Variants in PLD1 observed in about 807,000 individuals in gnomAD.
PLD1 encodes the protein choline phosphatase 1.
Under a neutral mutation model 137.1 loss-of-function variants are expected in PLD1, and 112 were observed. That is an observed-to-expected ratio of 0.82 (90% CI 0.70 to 0.96). The LOEUF (loss-of-function observed/expected upper bound fraction) is 0.96. PLD1 is among the 40% of genes least tolerant of loss of function. The pLI is 0.00. For missense variants in PLD1, 1,321 were observed against 1,342.0 expected, an observed-to-expected ratio of 0.98 and a Z score of 0.24; for synonymous variants, 431 against 454.7, an observed-to-expected ratio of 0.95 and a Z score of 0.66.
At chr3:171,780,058 G>T (rs1359782442) in intron 1 of PLD1, among the ~76,000 whole-genome samples, 2 of 151,868 alleles carry the variant, frequency 1.3e-5, no homozygotes, top group South Asian at 2.1e-4. Context: ...CAGGACTGGG[G>T]TTTATATACA....
intron 18 of PLD1, among the ~76,000 whole-genome samples, chr3:171,674,915 G>T (rs954611820): frequency 7.2e-5 from 10 of 138,416 alleles, no homozygotes; most frequent in African/African-American, 2.7e-4. Context: ...GGAGGCAGAG[G>T]TTGCAGTGAG....
chr3:171,636,648 A>T (rs1355110260), intron 23 of PLD1, among the ~76,000 whole-genome samples: 3 of 152,048 alleles, frequency 2.0e-5, no homozygotes, highest in Non-Finnish European at 2.9e-5. Context: ...CTAATTTATT[A>T]TCTGTAATAG....
At chr3:171,710,762 C>T (rs1717130138) in intron 9 of PLD1, among the ~76,000 whole-genome samples, 2 of 152,066 alleles carry the variant, frequency 1.3e-5, no homozygotes, top group Non-Finnish European at 2.9e-5. Context: ...CATCCCTTCT[C>T]TTCAACAAAG....
chr3:171,792,783 A>T, intron 1 of PLD1: 1 of 445,332 alleles, frequency 2.2e-6, no homozygotes. Context: ...CAGATTTGCA[A>T]ACTTGAAAAA....
At chr3:171,670,355 T>C (rs528201263) in intron 19 of PLD1, among the ~76,000 whole-genome samples, 80 of 152,320 alleles carry the variant, frequency 5.3e-4, no homozygotes, top group African/African-American at 1.8e-3. Flanking sequence ...GCCTCTTTAA[T>C]AAAATCAATG....
intron 11 of PLD1, among the ~76,000 whole-genome samples, chr3:171,702,707 A>G (rs1292104505): frequency 1.3e-5 from 2 of 152,082 alleles, no homozygotes; most frequent in Non-Finnish European, 1.5e-5. Context: ...TGTAATTAAA[A>G]CTTTCCTACA....
In PLD1 at chr3:171,612,304, G is replaced by A. The variant is rs770028037; in HGVS notation, c.2857C>T (p.Arg953Ter). 15 of 1,613,926 alleles carry A rather than the reference G, an allele frequency of 9.3e-6. No homozygotes were observed. Among genetic ancestry groups the A allele is most frequent in the Admixed American group, 3.3e-5 (2 of 59,994 alleles). ...GKEYQAGRFARGLRLQCFRVV... is the reference protein window; with the variant it reads ...GKEYQAGRFA ...CTAAAGCACTGTAGCCGAAGTCCTC[G>A]GGCAAACCGGCCAGCTTGGTACTCT... is the stretch of plus-strand genomic sequence containing the variant. Residue 953 changes from arginine (R) to a stop codon, truncating the protein, a stop_gained, in exon 25 of 27, where the codon CGA (arginine) becomes TGA (stop). Coordinates refer to ENST00000351298, the MANE Select transcript of PLD1 (RefSeq NM_002662.5). LOFTEE classifies it high-confidence loss of function. This position sits in a 1 kb window ranked among gnomAD's most constrained non-coding sequence, Gnocchi z 4.1.
At chr3:171,657,997 G>A (rs1737355400) in intron 21 of PLD1, among the ~76,000 whole-genome samples, 1 of 151,706 alleles carries the variant, frequency 6.6e-6, no homozygotes, top group Non-Finnish European at 1.5e-5. Context: ...AATGGGCAAG[G>A]GATTTCAGTA....
chr3:171,793,108 A>G (rs9872581), intron 1 of PLD1: 49,684 of 167,956 alleles, frequency 0.3, 7,874 homozygotes, highest in Admixed American at 0.36. Context: ...GTCTGAAGAC[A>G]TTTCGTAATC....
At chr3:171,795,764 G>C (rs1018158917) in intron 1 of PLD1, among the ~76,000 whole-genome samples, 1 of 152,188 alleles carries the variant, frequency 6.6e-6, no homozygotes, top group Non-Finnish European at 1.5e-5. Flanking sequence ...AGGGTGTTCA[G>C]AGAGTTCTAA....
chr3:171,664,103 T>C (rs1269613583), intron 19 of PLD1, among the ~76,000 whole-genome samples: 1 of 152,154 alleles, frequency 6.6e-6, no homozygotes, highest in Non-Finnish European at 1.5e-5. Flanking sequence ...CAGATGAATA[T>C]GTGCAACAAA....
At chr3:171,637,866 T>C (rs1735264660) in intron 23 of PLD1, among the ~76,000 whole-genome samples, 1 of 152,124 alleles carries the variant, frequency 6.6e-6, no homozygotes, top group African/African-American at 2.4e-5. Context: ...GGTAAAAACA[T>C]GGTATAAGAG....
chr3:171,691,925 T>C (rs1011273380), intron 13 of PLD1, among the ~76,000 whole-genome samples: 4 of 152,250 alleles, frequency 2.6e-5, no homozygotes, highest in African/African-American at 9.6e-5. Flanking sequence ...CTAGGTGCCA[T>C]TGATTTTTTA....
intron 23 of PLD1, among the ~76,000 whole-genome samples, chr3:171,632,215 G>C (rs1270032780): frequency 6.6e-6 from 1 of 152,108 alleles, no homozygotes; most frequent in Non-Finnish European, 1.5e-5. Flanking sequence ...ACAGTCTATA[G>C]AGCAACTGGC....
intron 1 of PLD1, among the ~76,000 whole-genome samples, chr3:171,797,524 G>A (rs1045289935): frequency 6.6e-6 from 1 of 152,080 alleles, no homozygotes; most frequent in African/African-American, 2.4e-5. Flanking sequence ...GCCCTCCAGG[G>A]ATTCTGGTGC....
chr3:171,757,231 A>C (rs1202162997), intron 1 of PLD1, among the ~76,000 whole-genome samples: 2 of 152,240 alleles, frequency 1.3e-5, no homozygotes, highest in African/African-American at 4.8e-5. Flanking sequence ...ATGTTTTCAC[A>C]AACACAGAAA....
chr3:171,627,057 G>T (rs1734179453), intron 23 of PLD1, among the ~76,000 whole-genome samples: 1 of 152,074 alleles, frequency 6.6e-6, no homozygotes, highest in African/African-American at 2.4e-5. Flanking sequence ...AAAAGACACA[G>T]ACTGGCAAAT....
Position 171,699,753 on chromosome 3 carries a change from GT to G in PLD1, c.1218del (p.Lys406AsnfsTer8). ...GNRWRLDCIL[K>X]RKAQQGVRIF... ...TCTGGGAAAGTACATACTGCTTTTCGTTTAAGAATGCAGTCCAACCTCCAAC... is the reference window on the plus strand; with the variant it reads ...TCTGGGAAAGTACATACTGCTTTTCGTTAAGAATGCAGTCCAACCTCCAAC... On this transcript the variant is annotated frameshift_variant, in exon 12 of 27. Transcript: ENST00000351298. LOFTEE classifies it high-confidence loss of function. The G allele has an allele frequency of 3.1e-6, 5 of 1,610,162 alleles. No individual in the cohort carries two copies. Among genetic ancestry groups the G allele is most frequent in the Non-Finnish European group, 4.2e-6 (5 of 1,176,576 alleles).
intron 1 of PLD1, among the ~76,000 whole-genome samples, chr3:171,756,423 G>T (rs1721032209): frequency 6.6e-6 from 1 of 152,182 alleles, no homozygotes; most frequent in South Asian, 2.1e-4. Flanking sequence ...ATGATTTCCA[G>T]ATGAGTTTCA....
Sources: gnomAD v4.1 joint callset for allele counts (sites outside exome capture counted in the v4.1 genomes callset) on GRCh38, gnomAD v4.1.1 for gene constraint, Gnocchi (gnomAD v3.1) non-coding constraint, MANE v1.5 for transcripts, NCBI Gene and HGNC (gene_info 2026-07-23, HGNC 2026-07-21) for gene names.